Variants in SNRPN observed in about 807,000 individuals in gnomAD.
SNRPN encodes the protein small nuclear ribonucleoprotein polypeptide N.
In SNRPN, 7 loss-of-function variants were observed where a neutral mutation model predicts 25.2. That is an observed-to-expected ratio of 0.28 (90% CI 0.16 to 0.52). SNRPN has a LOEUF of 0.52. Among genes scored for constraint, SNRPN ranks in the 20% least tolerant of loss-of-function variants. The probability of loss-of-function intolerance (pLI) is 0.96; values close to 1 mark genes in which losing one functional copy is unlikely to be tolerated. For missense variants in SNRPN, 196 were observed against 322.5 expected, an observed-to-expected ratio of 0.61 and a Z score of 3.00; for synonymous variants, 124 against 110.6, an observed-to-expected ratio of 1.12 and a Z score of -0.76.
chr15:24,967,216 TC>T (rs1251668692), intron 2 of SNRPN: 4 of 152,360 alleles, frequency 2.6e-5, no homozygotes, highest in Admixed American at 2.6e-4. Context: ...TGTTTTTAGT[TC>T]TTTTGGAAAT....
intron 2 of SNRPN, chr15:24,848,222 G>GGGCGGC (rs1472306614): frequency 1.7e-4 from 23 of 138,206 alleles, no homozygotes; most frequent in African/African-American, 5.6e-4. Flanking sequence ...TGGGGGGCGG[G>GGGCGGC]GGCGGCGGTG....
chr15:24,904,900 G>A (rs552031159), intron 2 of SNRPN, among the ~76,000 whole-genome samples: 6 of 143,956 alleles, frequency 4.2e-5, no homozygotes, highest in East Asian at 4.3e-4. Flanking sequence ...CCGAGATCGC[G>A]CCACTGCACT....
rs71127030 is a variant in SNRPN, at chr15:24,958,486, G to GTTTTTTTT, written c.-391+3451_-391+3458dup. On this transcript the variant is annotated intron_variant, in intron 1 of 9. Coordinates refer to ENST00000390687, the MANE Select transcript of SNRPN (RefSeq NM_003097.6). The stretch of plus-strand genomic sequence containing the variant: ...ATTTCTGGATGCTAGCTGGCTCAAA[G>GTTTTTTTT]TTTTTTTTTTTTTTTTTTTTTTTTT... 8.7e-4 allele frequency among the ~76,000 whole-genome samples: 57 copies of GTTTTTTTT among 65,294 alleles called. 3 individuals carry two copies. Among genetic ancestry groups the GTTTTTTTT allele is most frequent in the Non-Finnish European group, 1.1e-3 (41 of 36,716 alleles). 42.8% of individuals were successfully genotyped at this position (65,294 alleles called of 152,430 possible). A position where few individuals can be genotyped will look rare whatever the true frequency, so the allele number is the denominator to read the frequency against.
At chr15:24,965,586 T>C (rs2075494601) in intron 2 of SNRPN, among the ~76,000 whole-genome samples, 1 of 152,210 alleles carries the variant, frequency 6.6e-6, no homozygotes, top group South Asian at 2.1e-4. Context: ...TTTTTTATTC[T>C]GTCTTTCAGT....
upstream of SNRPN, among the ~76,000 whole-genome samples, chr15:24,952,699 A>G (rs530159250): frequency 2.0e-5 from 3 of 152,316 alleles, no homozygotes; most frequent in African/African-American, 7.2e-5. Context: ...CCAAGAAACT[A>G]GATAAGTGCG....
intron 2 of SNRPN, among the ~76,000 whole-genome samples, chr15:24,917,966 T>C (rs2152420771): frequency 6.6e-6 from 1 of 152,322 alleles, no homozygotes; most frequent in South Asian, 2.1e-4. Context: ...AGTTTTACAT[T>C]AATCTTATGG....
chr15:24,974,497 A>G, intron 4 of SNRPN, 41 bp downstream of exon 4: 1 of 1,603,064 alleles, frequency 6.2e-7, no homozygotes, highest in Non-Finnish European at 8.5e-7. Context: ...ATGTGCTGTA[A>G]GGGCCGAAAG....
chr15:24,902,795 G>A (rs1041030822), intron 2 of SNRPN, among the ~76,000 whole-genome samples: 5 of 152,202 alleles, frequency 3.3e-5, no homozygotes, highest in Admixed American at 2.0e-4. Context: ...TGTTACAAGC[G>A]TTACAAGCTC....
intron 2 of SNRPN, among the ~76,000 whole-genome samples, chr15:24,906,522 A>G (rs2058818657): frequency 6.6e-6 from 1 of 152,252 alleles, no homozygotes; most frequent in South Asian, 2.1e-4. Context: ...AGGAGAAATT[A>G]GCCAGATCTG....
intron 2 of SNRPN, among the ~76,000 whole-genome samples, chr15:24,895,531 C>T (rs1394533842): frequency 6.6e-6 from 1 of 151,770 alleles, no homozygotes; most frequent in Non-Finnish European, 1.5e-5. Flanking sequence ...TTGAAATTGC[C>T]ATCACATATC....
chr15:24,944,561 T>G (rs2061763442), intron 3 of SNRPN, among the ~76,000 whole-genome samples: 1 of 152,140 alleles, frequency 6.6e-6, no homozygotes. Context: ...AATTAGCTAG[T>G]GTTCTTTTGA....
At position 24,974,579 on chromosome 15, in the gene SNRPN, G is replaced by A. The variant is rs954533384; in HGVS notation, c.3+123G>A. ...AAATAAGGATACATCCATGGATATG[G>A]ATTCTCATTGCATTGAGTATCAGCT... On this transcript the variant is annotated intron_variant, in intron 4 of 9. Coordinates refer to ENST00000390687, the MANE Select transcript of SNRPN (RefSeq NM_003097.6). 37 of 908,438 alleles carry A rather than the reference G, an allele frequency of 4.1e-5. No homozygotes were observed. In the Admixed American group the frequency reaches 5.4e-4, roughly 13 times the overall value. The allele number at this position is 908,438 out of a possible 1,614,324, so 56.3% of individuals were successfully genotyped here. A position where few individuals can be genotyped will look rare whatever the true frequency, so the allele number is the denominator to read the frequency against.
chr15:24,924,583 G>A (rs1363034897), intron 3 of SNRPN, among the ~76,000 whole-genome samples: 17 of 151,966 alleles, frequency 1.1e-4, no homozygotes, highest in Admixed American at 1.1e-3. Flanking sequence ...ATTTTGGGGT[G>A]GAGATCCTCC....
At chr15:24,911,953 A>T (rs1436855929) in intron 2 of SNRPN, among the ~76,000 whole-genome samples, 1 of 152,202 alleles carries the variant, frequency 6.6e-6, no homozygotes, top group Non-Finnish European at 1.5e-5. Flanking sequence ...GAACTGTGGC[A>T]TGGGCTGACT....
chr15:24,834,986 A>AATAT, intron 2 of SNRPN, among the ~76,000 whole-genome samples: 1 of 44,970 alleles, frequency 2.2e-5, no homozygotes, highest in East Asian at 9.1e-4. Flanking sequence ...CTATATATAA[A>AATAT]ATAGATATAT....
intron 3 of SNRPN, among the ~76,000 whole-genome samples, chr15:24,949,353 A>C (rs546835429): frequency 1.3e-3 from 194 of 152,186 alleles, no homozygotes; most frequent in Non-Finnish European, 2.3e-3. Context: ...GAACATATAA[A>C]AAGAACCATA....
chr15:24,880,102 G>C (rs1346238040), intron 1 of SNRPN, among the ~76,000 whole-genome samples: 5 of 152,190 alleles, frequency 3.3e-5, no homozygotes, highest in Non-Finnish European at 7.3e-5. Context: ...GAGAAAAAAA[G>C]GAAAATGGTG....
intron 3 of SNRPN, among the ~76,000 whole-genome samples, chr15:24,927,937 T>C (rs2060528202): frequency 6.6e-6 from 1 of 152,194 alleles, no homozygotes; most frequent in Admixed American, 6.5e-5. Flanking sequence ...CAACACGGTG[T>C]TTACTATTGT....
intron 3 of SNRPN, among the ~76,000 whole-genome samples, chr15:24,927,232 T>A (rs1384856171): frequency 6.6e-6 from 1 of 151,996 alleles, no homozygotes; most frequent in Non-Finnish European, 1.5e-5. Flanking sequence ...AGAAACCTCC[T>A]GCCTGAGCCT....
Sources: gnomAD v4.1 joint callset for allele counts (sites outside exome capture counted in the v4.1 genomes callset) on GRCh38, gnomAD v4.1.1 for gene constraint, MANE v1.5 for transcripts, NCBI Gene and HGNC (gene_info 2026-07-23, HGNC 2026-07-21) for gene names.